PRDM16: variants seen among roughly 807,000 people sequenced by gnomAD.
The protein encoded by PRDM16 is PR/SET domain 16.
In PRDM16, 23 loss-of-function variants were observed where a neutral mutation model predicts 110.6. The ratio of observed to expected loss-of-function variants is 0.21; its 90% CI spans 0.15 to 0.29. The LOEUF is 0.29. PRDM16 is among the 10% of genes least tolerant of loss of function. The pLI is 1.00. For missense variants in PRDM16, 1,615 were observed against 1,794.3 expected (o/e 0.90, Z 1.81); for synonymous variants, 799 against 781.8 (o/e 1.02, Z -0.37).
intron 5 of PRDM16, among the ~76,000 whole-genome samples, chr1:3,400,489 G>A (rs547046686): frequency 3.3e-4 from 50 of 152,306 alleles, no homozygotes; most frequent in African/African-American, 1.2e-3. Flanking sequence ...CTCCCAGGCT[G>A]TGCACCCTGT....
intron 3 of PRDM16, among the ~76,000 whole-genome samples, chr1:3,253,213 T>A (rs991749641): frequency 1.3e-5 from 2 of 152,120 alleles, no homozygotes; most frequent in African/African-American, 2.4e-5. Context: ...ATTTAATTAT[T>A]ATTATTATTA....
Position 3,112,600 on chromosome 1 carries a change from G to A in PRDM16, c.37+43304G>A, listed in dbSNP as rs577110523. Among the ~76,000 whole-genome samples, 1,076 of 152,306 alleles carry A rather than the reference G, an allele frequency of 7.1e-3. 7 individuals carry two copies. Among genetic ancestry groups the A allele is most frequent in the Non-Finnish European group, 0.01 (698 of 68,022 alleles). On this transcript the variant is annotated intron_variant, in intron 1 of 16. Transcript: ENST00000270722. ...CCAGCAGCCTGCAGCTCCAACCCAC[G>A]CTGCTGGTGGAGGGAGCGTCTGTGG...
At chr1:3,180,445 C>T (rs760296563) in intron 1 of PRDM16, among the ~76,000 whole-genome samples, 1 of 152,188 alleles carries the variant, frequency 6.6e-6, no homozygotes, top group East Asian at 1.9e-4. Context: ...CTGCCCTTGG[C>T]GCAGTTTCTC....
rs151309912 is a variant in PRDM16, at chr1:3,122,853, G to A, written c.37+53557G>A. On this transcript the variant is annotated intron_variant, in intron 1 of 16. Coordinates refer to ENST00000270722, the MANE Select transcript of PRDM16 (RefSeq NM_022114.4). ...TCCTGTAGGGCTCTAGGGAGGCGGC[G>A]GCTGGGAATGAGAACCAGCCCCAGC... 9.6e-3 allele frequency among the ~76,000 whole-genome samples: 1,468 copies of A among 152,268 alleles called. 28 individuals carry two copies. Among genetic ancestry groups the A allele is most frequent in the African/African-American group, 0.034 (1,407 of 41,544 alleles).
chr1:3,130,609 T>C (rs1253182269), intron 1 of PRDM16, among the ~76,000 whole-genome samples: 1 of 152,122 alleles, frequency 6.6e-6, no homozygotes, highest in Non-Finnish European at 1.5e-5. Context: ...TGATGCTTCA[T>C]GCGCCCCACG....
intron 3 of PRDM16, among the ~76,000 whole-genome samples, chr1:3,262,443 C>T (rs1640183121): frequency 6.6e-6 from 1 of 152,212 alleles, no homozygotes; most frequent in African/African-American, 2.4e-5. Context: ...GCCCTGGGGC[C>T]CCCAAGGAAC....
At chr1:3,095,749 T>A (rs1422542495) in intron 1 of PRDM16, among the ~76,000 whole-genome samples, 2 of 151,708 alleles carry the variant, frequency 1.3e-5, no homozygotes, top group Non-Finnish European at 2.9e-5. Context: ...GGGGTCAGTG[T>A]GGGAGATGAC....
chr1:3,386,306 C>T (rs760263855), intron 4 of PRDM16, among the ~76,000 whole-genome samples: 13 of 152,212 alleles, frequency 8.5e-5, no homozygotes, highest in Non-Finnish European at 1.8e-4. Flanking sequence ...AACATTCCCG[C>T]GTAGCCTGTG....
At chr1:3,321,215 TG>T (rs1397904378) in intron 3 of PRDM16, among the ~76,000 whole-genome samples, 1 of 150,594 alleles carries the variant, frequency 6.6e-6, no homozygotes, top group Non-Finnish European at 1.5e-5. Flanking sequence ...GGTGGGCTGA[TG>T]GGGGAGCATG....
chr1:3,125,751 G>A lies in PRDM16; in HGVS notation c.37+56455G>A, dbSNP rs1455334468. ...TTTGTAACGAGTTTGGTCTGCGCGG[G>A]GGGCACTGACCCCACTACGCCTGGC... On this transcript the variant is annotated intron_variant, in intron 1 of 16. Transcript: ENST00000270722. 2.0e-5 allele frequency among the ~76,000 whole-genome samples: 3 copies of A among 152,254 alleles called. No individual in the cohort carries two copies. In the East Asian group the frequency reaches 5.8e-4, roughly 29 times the overall value.
At chr1:3,332,829 G>A (rs907783892) in intron 3 of PRDM16, among the ~76,000 whole-genome samples, 30 of 151,532 alleles carry the variant, frequency 2.0e-4, no homozygotes, top group Admixed American at 1.7e-3. Context: ...ATCCCTGTTC[G>A]GCCTCTGGAT....
At chr1:3,223,475 AC>A (rs1187560767) in intron 2 of PRDM16, among the ~76,000 whole-genome samples, 1 of 151,964 alleles carries the variant, frequency 6.6e-6, no homozygotes, top group East Asian at 1.9e-4. Flanking sequence ...CCCCACGCTC[AC>A]CCCCGGCATG....
chr1:3,109,147 G>A (rs1236260898), intron 1 of PRDM16, among the ~76,000 whole-genome samples: 3 of 151,746 alleles, frequency 2.0e-5, no homozygotes, highest in African/African-American at 4.8e-5. Context: ...TTGAAAAACA[G>A]GTGTGTCCCA....
intron 1 of PRDM16, among the ~76,000 whole-genome samples, chr1:3,136,995 G>T (rs1244658121): frequency 1.3e-5 from 2 of 152,202 alleles, no homozygotes; most frequent in Non-Finnish European, 2.9e-5. Context: ...TGGCCCTGGG[G>T]TTCTCACCCC....
chr1:3,266,899 A>G (rs1477012509), intron 3 of PRDM16, among the ~76,000 whole-genome samples: 5 of 152,138 alleles, frequency 3.3e-5, no homozygotes, highest in Non-Finnish European at 5.9e-5. Flanking sequence ...GCTGCTCTCG[A>G]ACTCCTGACC....
chr1:3,076,540 C>T (rs943183558), intron 1 of PRDM16, among the ~76,000 whole-genome samples: 1 of 152,200 alleles, frequency 6.6e-6, no homozygotes, highest in Non-Finnish European at 1.5e-5. Context: ...CCTCTGTCTG[C>T]TCTCAGCGTC....
intron 1 of PRDM16, among the ~76,000 whole-genome samples, chr1:3,117,656 A>G (rs1642991070): frequency 6.6e-6 from 1 of 151,974 alleles, no homozygotes; most frequent in Non-Finnish European, 1.5e-5. Flanking sequence ...GCCAGGCCCT[A>G]CTTCTGGAGG....
At chr1:3,355,040 C>A (rs1642565718) in intron 3 of PRDM16, among the ~76,000 whole-genome samples, 1 of 152,178 alleles carries the variant, frequency 6.6e-6, no homozygotes, top group Non-Finnish European at 1.5e-5. Context: ...GGGGAACCCA[C>A]CGGGACAAAG....
At chr1:3,225,521 G>A (rs1639265161) in intron 2 of PRDM16, among the ~76,000 whole-genome samples, 1 of 146,304 alleles carries the variant, frequency 6.8e-6, no homozygotes, top group African/African-American at 2.6e-5. Flanking sequence ...CTGATGATGT[G>A]CAGCTTGCCT....
Sources: gnomAD v4.1 joint callset for allele counts (sites outside exome capture counted in the v4.1 genomes callset) on GRCh38, gnomAD v4.1.1 for gene constraint, MANE v1.5 for transcripts, NCBI Gene and HGNC (gene_info 2026-07-23, HGNC 2026-07-21) for gene names.